TTC9: variants seen among roughly 807,000 people sequenced by gnomAD.
TTC9 encodes tetratricopeptide repeat domain 9.
Under a neutral mutation model 22.9 loss-of-function variants are expected in TTC9, and 13 were observed. That is an observed-to-expected ratio of 0.57 (90% CI 0.37 to 0.90). The LOEUF is 0.90. Ranked by LOEUF, TTC9 falls within the 40% of genes least tolerant of loss-of-function variation. The pLI, the probability that TTC9 is intolerant of heterozygous loss-of-function variation, is 0.01. For synonymous variants in TTC9, 148 were observed against 133.2 expected (o/e 1.11, Z -0.77); for missense variants, 280 against 291.8 (o/e 0.96, Z 0.29).
rs1007935305 is a variant in TTC9 at position 70,671,177 on chromosome 14, G to T, written c.*22G>T. ...GTAACCAGGAAGCAGCTCCAGAGCT[G>T]CGCCCACGCCTGACCGGGGACTTCC... On this transcript the variant is annotated 3_prime_UTR_variant, in exon 3 of 3. Transcript: ENST00000256367. The T allele has an allele frequency of 1.2e-6, 2 of 1,609,908 alleles. No homozygotes were observed. The highest frequency in any genetic ancestry group is 2.7e-5 in the African/African-American group (2 of 74,846).
intron 1 of TTC9, 67 bp from the exon 2 acceptor site, chr14:70,667,497 A>T: frequency 6.4e-7 from 1 of 1,570,462 alleles, no homozygotes; most frequent in Non-Finnish European, 8.7e-7. Context: ...GAGAGAAGCA[A>T]CTCAAGGGAA....
In TTC9 at chr14:70,641,925, G is replaced by T; in HGVS notation, c.-205G>T. The T allele has an allele frequency of 5.0e-6, 1 of 201,548 alleles. No homozygotes were observed. Among genetic ancestry groups the T allele is most frequent in the Non-Finnish European group, 9.0e-6 (1 of 111,674 alleles). The allele number at this position is 201,548 out of a possible 1,614,324, so 12.5% of individuals were successfully genotyped here. A position where few individuals can be genotyped will look rare whatever the true frequency, so the allele number is the denominator to read the frequency against. On this transcript the variant is annotated 5_prime_UTR_variant, in exon 1 of 3. Coordinates refer to ENST00000256367, the MANE Select transcript of TTC9 (RefSeq NM_015351.2). ...CGGGGGAGGGGCCGGCGTCCGAGGCGGCGGCGGCGGCGGCTGGAGCAGCCT... is the reference window on the plus strand; with the variant it reads ...CGGGGGAGGGGCCGGCGTCCGAGGCTGCGGCGGCGGCGGCTGGAGCAGCCT...
intron 1 of TTC9, among the ~76,000 whole-genome samples, chr14:70,665,643 CTT>C (rs1886205667): frequency 6.6e-6 from 1 of 152,220 alleles, no homozygotes; most frequent in African/African-American, 2.4e-5. Flanking sequence ...GGCTGATTCT[CTT>C]TCACTTCCTG....
At chr14:70,662,413 CAAAAAAAA>C (rs57369399) in intron 1 of TTC9, among the ~76,000 whole-genome samples, 5,670 of 123,238 alleles carry the variant, frequency 0.046, 400 homozygotes, top group African/African-American at 0.15. Context: ...ATCTCTATGC[CAAAAAAAA>C]AAAAAAAAAA....
intron 1 of TTC9, among the ~76,000 whole-genome samples, chr14:70,655,699 A>G (rs1886055062): frequency 6.6e-6 from 1 of 151,986 alleles, no homozygotes; most frequent in African/African-American, 2.4e-5. Context: ...CCAAGGGGCC[A>G]CTCGACTTCC....
intron 1 of TTC9, among the ~76,000 whole-genome samples, chr14:70,659,893 A>C (rs1886120896): frequency 6.6e-6 from 1 of 152,192 alleles, no homozygotes; most frequent in Non-Finnish European, 1.5e-5. Flanking sequence ...GACTTTGGGC[A>C]AGTGACTTGA....
chr14:70,670,540 C>T (rs1886279042), intron 2 of TTC9, among the ~76,000 whole-genome samples: 1 of 152,096 alleles, frequency 6.6e-6, no homozygotes, highest in African/African-American at 2.4e-5. Flanking sequence ...TGTCTGTAAT[C>T]CCAGCTACTG....
chr14:70,653,716 G>A (rs993399479), intron 1 of TTC9, among the ~76,000 whole-genome samples: 1 of 116,314 alleles, frequency 8.6e-6, no homozygotes, highest in Non-Finnish European at 2.0e-5. Context: ...CCCTGACCCT[G>A]TCTTTGAAAT....
chr14:70,642,985 C>T (rs1250981278), intron 1 of TTC9, among the ~76,000 whole-genome samples: 4 of 152,262 alleles, frequency 2.6e-5, no homozygotes, highest in Non-Finnish European at 5.9e-5. Context: ...TTTTCCCCAA[C>T]TAACCGCATC....
chr14:70,665,166 G>A (rs953824160), intron 1 of TTC9, among the ~76,000 whole-genome samples: 2 of 152,118 alleles, frequency 1.3e-5, no homozygotes, highest in African/African-American at 2.4e-5. Context: ...AAACAGAAGT[G>A]TCTGTTCAAA....
rs536960245 is a variant in TTC9, at chr14:70,657,506, T to C, written c.407-10058T>C. Among the ~76,000 whole-genome samples the C allele has an allele frequency of 1.4e-3, 220 of 152,262 alleles. 3 individuals carry two copies. The highest frequency in any genetic ancestry group is 5.0e-3 in the African/African-American group (206 of 41,550). On this transcript the variant is annotated intron_variant, in intron 1 of 2. Transcript: ENST00000256367. ...GTTTGAATCTAGTGCAAGCACATAC[T>C]AGAATGGAAAAGTGGAAGGTCAGAA...
intron 1 of TTC9, among the ~76,000 whole-genome samples, chr14:70,666,847 A>G (rs1886222500): frequency 6.6e-6 from 1 of 152,218 alleles, no homozygotes; most frequent in Non-Finnish European, 1.5e-5. Flanking sequence ...AATATTGGCC[A>G]TGATGGTGAT....
chr14:70,661,957 C>A (rs563456559), intron 1 of TTC9, among the ~76,000 whole-genome samples: 1 of 152,320 alleles, frequency 6.6e-6, no homozygotes, highest in South Asian at 2.1e-4. Flanking sequence ...CTGGCCACCT[C>A]TGCTATCACC....
chr14:70,658,896 G>T (rs1031940440), intron 1 of TTC9, among the ~76,000 whole-genome samples: 8 of 152,224 alleles, frequency 5.3e-5, no homozygotes, highest in African/African-American at 1.4e-4. Flanking sequence ...TGAACTATTG[G>T]TGCATTTAAC....
chr14:70,670,100 T>C (rs530923022), intron 2 of TTC9, among the ~76,000 whole-genome samples: 1 of 152,378 alleles, frequency 6.6e-6, no homozygotes, highest in Non-Finnish European at 1.5e-5. Context: ...TTGTTGATCA[T>C]TGTTTTAAGC....
Position 70,671,248 on chromosome 14 carries a change from TC to T in TTC9, c.*97del. ...CCCCGTCCTGGATTCTGTCCCTTTC[TC>T]CCCACTTCTTCTGGCTCCTCATTTT... On this transcript the variant is annotated 3_prime_UTR_variant, in exon 3 of 3. Transcript: ENST00000256367. 9.5e-7 allele frequency: 1 copy of T among 1,050,854 alleles called. No individual in the cohort carries two copies. The highest frequency in any genetic ancestry group is 1.4e-6 in the Non-Finnish European group (1 of 708,478). 65.1% of individuals were successfully genotyped at this position (1,050,854 alleles called of 1,614,324 possible). A position where few individuals can be genotyped will look rare whatever the true frequency, so the allele number is the denominator to read the frequency against.
chr14:70,668,613 A>T (rs1279121152), intron 2 of TTC9, among the ~76,000 whole-genome samples: 1 of 143,278 alleles, frequency 7.0e-6, no homozygotes, highest in Non-Finnish European at 1.5e-5. Flanking sequence ...CACTTTGGGA[A>T]CCCAAGGCAG....
intron 1 of TTC9, among the ~76,000 whole-genome samples, chr14:70,654,269 G>A (rs541376665): frequency 5.3e-5 from 8 of 152,092 alleles, no homozygotes; most frequent in African/African-American, 2.4e-5. Flanking sequence ...TCTCTGAAGG[G>A]ATGATAATGG....
intron 1 of TTC9, among the ~76,000 whole-genome samples, chr14:70,656,084 G>A (rs1439791017): frequency 1.3e-5 from 2 of 152,100 alleles, no homozygotes; most frequent in African/African-American, 4.8e-5. Context: ...ACCTGAAGCA[G>A]TTGATGAAGC....
Sources: allele counts gnomAD v4.1 joint callset (sites outside exome capture counted in the v4.1 genomes callset), GRCh38; gene constraint gnomAD v4.1.1; transcripts MANE v1.5; gene names NCBI Gene and HGNC (gene_info 2026-07-23, HGNC 2026-07-21).